Variants in TEP1 observed in about 807,000 individuals in gnomAD.
TEP1 encodes telomerase protein component 1.
In TEP1, 241 loss-of-function variants were observed where a neutral mutation model predicts 306.3. That is an observed-to-expected ratio of 0.79 (90% confidence interval 0.71 to 0.88). The LOEUF (loss-of-function observed/expected upper bound fraction) is 0.88. Ranked by LOEUF, TEP1 falls within the 40% of genes least tolerant of loss-of-function variation. The probability of loss-of-function intolerance (pLI) is 0.00; values close to 1 mark genes in which losing one functional copy is unlikely to be tolerated. For missense variants in TEP1, 3,051 were observed against 3,276.1 expected (o/e 0.93, Z 1.68); for synonymous variants, 1,289 against 1,305.5 (o/e 0.99, Z 0.27).
chr14:20,404,593 G>A lies in TEP1; in HGVS notation c.1032+18C>T, dbSNP rs759288111. 4 of 1,604,756 alleles carry A rather than the reference G, an allele frequency of 2.5e-6. No homozygotes were observed. The highest frequency in any genetic ancestry group is 2.7e-5 in the African/African-American group (2 of 74,422). ...GGAATGAAGTGAAGGCCCAAGCTCA[G>A]GGAAATGAGCACCATACCTGGTAAA... is the stretch of plus-strand genomic sequence containing the variant. On this transcript the variant is annotated intron_variant, in intron 5 of 54. Coordinates refer to ENST00000262715, the MANE Select transcript of TEP1 (RefSeq NM_007110.5).
chr14:20,385,729 C>T (rs1195394773), intron 20 of TEP1, among the ~76,000 whole-genome samples: 2 of 152,194 alleles, frequency 1.3e-5, no homozygotes, highest in East Asian at 1.9e-4. Flanking sequence ...CATTGCTTCT[C>T]TTTAATATAG....
chr14:20,377,481 C>G lies in TEP1; in HGVS notation c.5887G>C (p.Ala1963Pro), dbSNP rs937043985. The change falls in exon 41 of 55, where the codon GCT (alanine) becomes CCT (proline). Residue 1963 changes from alanine to proline, a missense_variant. Around this residue, in one of 3 missense-constraint regions of TEP1, gnomAD observed 1,540 missense variants for 1,705.9 expected, o/e 0.90. Coordinates refer to ENST00000262715, the MANE Select transcript of TEP1 (RefSeq NM_007110.5). Reference protein sequence around the residue: ...IYKISSGSQGAQGQALDVAVS... With the variant: ...IYKISSGSQGPQGQALDVAVS... ...GCCACATCCAGTGCCTGACCCTGAG[C>G]CCCCTGGGAACCTAGAGAATGAGAG... 1 of 1,613,748 alleles carries G rather than the reference C, an allele frequency of 6.2e-7. No homozygotes were observed. Among genetic ancestry groups the G allele is most frequent in the Non-Finnish European group, 8.5e-7 (1 of 1,179,768 alleles).
intron 8 of TEP1, 101 bp downstream of exon 8, chr14:20,401,356 T>A: frequency 6.6e-7 from 1 of 1,525,724 alleles, no homozygotes; most frequent in African/African-American, 1.4e-5. Flanking sequence ...CTGTCTAAAG[T>A]CATGTTGCTG....
rs150224948 is a variant in TEP1, at chr14:20,384,251, G to A, written c.3340-19C>T. The A allele has an allele frequency of 1.1e-3, 1,848 of 1,612,340 alleles. 26 individuals carry two copies. In the African/African-American group the frequency reaches 0.022, roughly 19 times the overall value. On this transcript the variant is annotated intron_variant, in intron 23 of 54. Coordinates refer to ENST00000262715, the MANE Select transcript of TEP1 (RefSeq NM_007110.5). The stretch of plus-strand genomic sequence containing the variant: ...CCCCAGGCTGAGGGTAAATGGGTCA[G>A]TGACTATCCATGGTGCCATGCTCCT...
Position 20,389,740 on chromosome 14 carries a change from C to T in TEP1, c.2335G>A (p.Val779Met). 1 of 1,613,928 alleles carries T rather than the reference C, an allele frequency of 6.2e-7. No individual in the cohort carries two copies. The highest frequency in any genetic ancestry group is 1.7e-5 in the Admixed American group (1 of 60,002). Residue 779 changes from valine to methionine, a missense_variant and splice_region_variant, in exon 16 of 55, where the codon GTG becomes ATG. Around this residue, in one of 3 missense-constraint regions of TEP1, gnomAD observed 1,507 missense variants for 1,550.5 expected, o/e 0.97. Transcript: ENST00000262715. ...LLSLAGQRVP[V>M]DRVILLGQSM... ...TGGCCAAGGAGGATGACCCTGTCCA[C>T]CTGTAAGATGAAAAGGGAGAAGATG...
In TEP1 at chr14:20,383,302, G is replaced by A. The variant is rs778581086; in HGVS notation, c.3919C>T (p.Leu1307Phe). The A allele has an allele frequency of 4.3e-6, 7 of 1,612,258 alleles. No individual in the cohort carries two copies. The African/African-American group carries it at 8.0e-5, about 18-fold the overall frequency. Residue 1307 changes from leucine to phenylalanine, a missense_variant, in exon 27 of 55, where the codon CTT becomes TTT. Physicochemically the swap from Leu to Phe is conservative, Grantham distance 22. Around this residue, in one of 3 missense-constraint regions of TEP1, gnomAD observed 1,540 missense variants for 1,705.9 expected, o/e 0.90. Coordinates refer to ENST00000262715, the MANE Select transcript of TEP1 (RefSeq NM_007110.5). Reference protein sequence around the residue: ...VSSDAGLGETLEQSQGAHVLA... With the variant: ...VSSDAGLGETFEQSQGAHVLA... ...ACGTGGGCACCCTGGCTCTGCTCAA[G>A]GGTCTCCCCTAGGCCTGCATCACTA...
In TEP1 at chr14:20,387,487, G is replaced by A. The variant is rs555700987; in HGVS notation, c.2684+418C>T. Among the ~76,000 whole-genome samples, 24 of 149,282 alleles carry A rather than the reference G, an allele frequency of 1.6e-4. No homozygotes were observed. The South Asian group carries it at 4.9e-3, about 30-fold the overall frequency. On this transcript the variant is annotated intron_variant, in intron 18 of 54. Transcript: ENST00000262715. ...GAATGGTGTGAACCCAGGAGGCAGA[G>A]CTTGCAGTGAGCCGAGATCACGCCA...
chr14:20,380,753 G>C (rs1885484411), intron 33 of TEP1, among the ~76,000 whole-genome samples, 178 bp downstream of exon 33: 1 of 152,224 alleles, frequency 6.6e-6, no homozygotes, highest in African/African-American at 2.4e-5. Context: ...AAGAGATCAA[G>C]GTGAAAGGTC....
At chr14:20,372,911 T>C (rs530020918) in intron 48 of TEP1, 54 bp from the exon 49 acceptor site, 7 of 1,613,406 alleles carry the variant, frequency 4.3e-6, no homozygotes, top group Non-Finnish European at 4.2e-6. Flanking sequence ...GGATGCACCA[T>C]CTTTTCCCTC....
intron 12 of TEP1, among the ~76,000 whole-genome samples, chr14:20,393,046 T>A (rs1444582881): frequency 6.6e-6 from 1 of 151,970 alleles, no homozygotes; most frequent in Non-Finnish European, 1.5e-5. Flanking sequence ...ACCCCATCTC[T>A]ACTAAAAAAA....
At chr14:20,384,932 G>C (rs1255879842) in intron 21 of TEP1, 53 bp downstream of exon 21, 1 of 1,612,408 alleles carries the variant, frequency 6.2e-7, no homozygotes, top group East Asian at 2.2e-5. Context: ...GAGAAGACTG[G>C]CCTGTCTGGC....
chr14:20,384,305 C>T, intron 23 of TEP1, 73 bp from the exon 24 acceptor site: 1 of 1,608,012 alleles, frequency 6.2e-7, no homozygotes, highest in Non-Finnish European at 8.5e-7. Flanking sequence ...ACTCACAGAG[C>T]CCCCGCCAAG....
Position 20,368,120 on chromosome 14 carries a change from G to T in TEP1, c.*317C>A. 4.9e-6 allele frequency: 1 copy of T among 203,928 alleles called. No homozygotes were observed. Among genetic ancestry groups the T allele is most frequent in the Non-Finnish European group, 1.0e-5 (1 of 99,690 alleles). 12.6% of individuals were successfully genotyped at this position (203,928 alleles called of 1,614,324 possible). ...GGCATCCTAGGGTCCTAGGGCCCGC[G>T]AGTGATGCAAGAATTCTAAAACCTA... On this transcript the variant is annotated 3_prime_UTR_variant, in exon 55 of 55. Transcript: ENST00000262715.
At chr14:20,369,816 T>C (rs1337069338) in intron 51 of TEP1, 37 bp from the exon 52 acceptor site, 3 of 1,540,206 alleles carry the variant, frequency 1.9e-6, no homozygotes, top group Non-Finnish European at 2.7e-6. Flanking sequence ...AGCCTACCCA[T>C]ATGAGTCAAC....
At position 20,381,625 on chromosome 14, in the gene TEP1, G is replaced by C; in HGVS notation, c.4486C>G (p.Leu1496Val). 6.2e-7 allele frequency: 1 copy of C among 1,613,976 alleles called. No homozygotes were observed. Among genetic ancestry groups the C allele is most frequent in the Non-Finnish European group, 8.5e-7 (1 of 1,179,978 alleles). Residue 1496 changes from leucine (L) to valine (V), a missense_variant, in exon 31 of 55, where the codon CTG becomes GTG. By Grantham distance (32) the Leu-to-Val change is conservative (BLOSUM62 1). This residue lies in a region of TEP1 where 1,540 missense variants were observed against 1,705.9 expected (regional missense o/e 0.90). Coordinates refer to ENST00000262715, the MANE Select transcript of TEP1 (RefSeq NM_007110.5). This position sits in a 1 kb window ranked among gnomAD's most constrained non-coding sequence, Gnocchi z 4.0. Reference protein sequence around the residue: ...GARLCLPDGPLRTAAKRCYGK... With the variant: ...GARLCLPDGPVRTAAKRCYGK... Reference sequence around the variant, plus strand: ...TAGCAACGTTTAGCTGCTGTTCTCAGGGGCCCATCAGGGAGGCACAGCCGG... The same window carrying C: ...TAGCAACGTTTAGCTGCTGTTCTCACGGGCCCATCAGGGAGGCACAGCCGG...
chr14:20,386,021 T>C, intron 20 of TEP1, 54 bp downstream of exon 20: 1 of 1,537,680 alleles, frequency 6.5e-7, no homozygotes, highest in Non-Finnish European at 8.7e-7. Flanking sequence ...TCTCCCAGCC[T>C]CTGCCCCAAT....
At chr14:20,393,203 C>T (rs1431134084) in intron 12 of TEP1, among the ~76,000 whole-genome samples, 5 of 146,228 alleles carry the variant, frequency 3.4e-5, no homozygotes, top group Admixed American at 6.9e-5. Context: ...GGCGACAGAG[C>T]AAGACTCGGT....
At position 20,387,925 on chromosome 14, in the gene TEP1, C is replaced by T; in HGVS notation, c.2664G>A (p.Leu888=). The change falls in exon 18 of 55, where the codon TTG becomes TTA. Residue 888 remains leucine, a synonymous_variant. Coordinates refer to ENST00000262715, the MANE Select transcript of TEP1 (RefSeq NM_007110.5). ...RPLEEDTPSP[L]APVSQQGWRS... ...CTGACCCTTGCTGGGAAACAGGAGCCAAGGGGCTTGGAGTGTCCTCTTCCA... is the reference window on the plus strand; with the variant it reads ...CTGACCCTTGCTGGGAAACAGGAGCTAAGGGGCTTGGAGTGTCCTCTTCCA... The T allele has an allele frequency of 6.2e-7, 1 of 1,608,364 alleles. No individual in the cohort carries two copies. The highest frequency in any genetic ancestry group is 1.1e-5 in the South Asian group (1 of 89,788).
chr14:20,403,541 A>C, intron 6 of TEP1, 93 bp from the exon 7 acceptor site: 1 of 1,595,192 alleles, frequency 6.3e-7, no homozygotes, highest in East Asian at 2.2e-5. Flanking sequence ...CTCTACCAAA[A>C]AGGAAGCCAA....
Sources: gnomAD v4.1 joint callset for allele counts (sites outside exome capture counted in the v4.1 genomes callset) on GRCh38, gnomAD v4.1.1 for gene constraint, gnomAD v4.1.1 regional missense constraint, Gnocchi (gnomAD v3.1) non-coding constraint, MANE v1.5 for transcripts, NCBI Gene and HGNC (gene_info 2026-07-23, HGNC 2026-07-21) for gene names.